SETBP1: variants seen among roughly 807,000 people sequenced by gnomAD.
SETBP1 encodes SET-binding protein.
Under a neutral mutation model 101.0 loss-of-function variants are expected in SETBP1, and 9 were observed. The ratio of observed to expected loss-of-function variants is 0.09; its 90% CI spans 0.05 to 0.16. The LOEUF (loss-of-function observed/expected upper bound fraction) is 0.16, where lower values mean the gene tolerates loss of function less well. SETBP1 is among the 10% of genes least tolerant of loss of function. SETBP1 has a pLI of 1.00. For synonymous variants in SETBP1, 818 were observed against 788.5 expected (o/e 1.04, Z -0.63); for missense variants, 1,858 against 2,033.8 (o/e 0.91, Z 1.66).
At chr18:44,882,312 T>C (rs924604094) in intron 3 of SETBP1, among the ~76,000 whole-genome samples, 10 of 152,092 alleles carry the variant, frequency 6.6e-5, no homozygotes, top group Admixed American at 5.9e-4. Flanking sequence ...TCCAGGAAGG[T>C]GCTAATCATG....
At chr18:44,743,281 G>A (rs1389000421) in intron 2 of SETBP1, among the ~76,000 whole-genome samples, 1 of 151,882 alleles carries the variant, frequency 6.6e-6, no homozygotes, top group Admixed American at 6.6e-5. Context: ...GATTGGAGGA[G>A]GTGAGCTACA....
At chr18:44,711,957 G>C (rs1456366035) in intron 2 of SETBP1, among the ~76,000 whole-genome samples, 2 of 152,104 alleles carry the variant, frequency 1.3e-5, no homozygotes, top group Non-Finnish European at 2.9e-5. Context: ...CCAGGTTGTT[G>C]TATTTTTCTC....
intron 4 of SETBP1, among the ~76,000 whole-genome samples, chr18:44,973,750 G>A (rs1422948951): frequency 1.3e-5 from 2 of 152,192 alleles, no homozygotes; most frequent in African/African-American, 4.8e-5. Context: ...TGGTAGGGCT[G>A]CCTCATGGGG....
intron 3 of SETBP1, among the ~76,000 whole-genome samples, chr18:44,892,435 A>G (rs984164453): frequency 6.6e-6 from 1 of 152,176 alleles, no homozygotes; most frequent in Admixed American, 6.5e-5. Flanking sequence ...TGTCACCTGC[A>G]TATGTACATG....
In SETBP1 at chr18:44,882,503, C is replaced by CT. The variant is rs79656454; in HGVS notation, c.540+13233dup. Among the ~76,000 whole-genome samples, 924 of 144,226 alleles carry CT rather than the reference C, an allele frequency of 6.4e-3. 10 individuals carry two copies. Among genetic ancestry groups the CT allele is most frequent in the African/African-American group, 0.02 (788 of 39,458 alleles). 94.6% of individuals were successfully genotyped at this position (144,226 alleles called of 152,430 possible). A position where few individuals can be genotyped will look rare whatever the true frequency, so the allele number is the denominator to read the frequency against. On this transcript the variant is annotated intron_variant, in intron 3 of 5. Coordinates refer to ENST00000649279, the MANE Select transcript of SETBP1 (RefSeq NM_015559.3). The stretch of plus-strand genomic sequence containing the variant: ...GCTGTGTGACAAGCAACCTTTGTGT[C>CT]TTTTTTTTTTTTTAACCTGCCTCTT...
In SETBP1 at chr18:44,950,077, C is replaced by T; in HGVS notation, c.737C>T (p.Ala246Val). ...AGTCCAGAGTCTGGCAGAGAAACTG[C>T]AAGCACCAGCAAGATCCCCGCTCTT... ...FISPESGRET[A>V]STSKIPALEP... The change falls in exon 4 of 6, where the codon GCA becomes GTA. Residue 246 changes from alanine (A) to valine (V), a missense_variant. This residue lies in a region of SETBP1 where 581 missense variants were observed against 535.1 expected (regional missense o/e 1.09). Transcript: ENST00000649279. The T allele has an allele frequency of 1.2e-6, 2 of 1,614,206 alleles. No homozygotes were observed. Among genetic ancestry groups the T allele is most frequent in the African/African-American group, 1.3e-5 (1 of 75,076 alleles).
chr18:44,987,104 G>C (rs1049366980), intron 4 of SETBP1: 1 of 152,138 alleles, frequency 6.6e-6, no homozygotes, highest in African/African-American at 2.4e-5. Flanking sequence ...ATAAAGCATT[G>C]TGTAATAGCC....
chr18:44,985,485 C>G (rs565380149), intron 4 of SETBP1, among the ~76,000 whole-genome samples: 1 of 152,148 alleles, frequency 6.6e-6, no homozygotes, highest in Non-Finnish European at 1.5e-5. Flanking sequence ...GCTTAATACA[C>G]TTATTAATGT....
In SETBP1 at chr18:45,065,855, CCTAT is replaced by C. The variant is rs1815173070; in HGVS notation, c.*2160_*2163del. 6.6e-6 allele frequency: 1 copy of C among 152,196 alleles called. No homozygotes were observed. Among genetic ancestry groups the C allele is most frequent in the Non-Finnish European group, 1.5e-5 (1 of 68,056 alleles). The allele number at this position is 152,196 out of a possible 1,614,324, so 9.4% of individuals were successfully genotyped here. A position where few individuals can be genotyped will look rare whatever the true frequency, so the allele number is the denominator to read the frequency against. On this transcript the variant is annotated 3_prime_UTR_variant, in exon 6 of 6. Transcript: ENST00000649279. ...CATTTTTAATTCGTCATTCCCAAGCCCTATCTGAGTGGTTCCAAAGTCACCTGAG... is the reference window on the plus strand; with the variant it reads ...CATTTTTAATTCGTCATTCCCAAGCCCTGAGTGGTTCCAAAGTCACCTGAG...
intron 2 of SETBP1, among the ~76,000 whole-genome samples, chr18:44,730,642 T>C (rs892326327): frequency 2.6e-5 from 4 of 152,186 alleles, no homozygotes; most frequent in South Asian, 4.1e-4. Flanking sequence ...GCCTGTCCTC[T>C]TTTTCAGACC....
intron 2 of SETBP1, among the ~76,000 whole-genome samples, chr18:44,802,021 T>C (rs1469346723): frequency 1.3e-5 from 2 of 152,156 alleles, no homozygotes; most frequent in Admixed American, 6.6e-5. Context: ...GAACTCTGGC[T>C]ACAGTAAATT....
chr18:45,041,722 G>A (rs1223384514), intron 5 of SETBP1, among the ~76,000 whole-genome samples: 2 of 152,162 alleles, frequency 1.3e-5, no homozygotes, highest in Non-Finnish European at 2.9e-5. Flanking sequence ...AGCATTTTGA[G>A]AGGCCAGGGT....
At chr18:45,017,185 G>C (rs1345086761) in intron 4 of SETBP1, among the ~76,000 whole-genome samples, 4 of 152,138 alleles carry the variant, frequency 2.6e-5, no homozygotes, top group Admixed American at 6.5e-5. Context: ...GCTTTGGAGA[G>C]CTAGAAAAAA....
chr18:44,897,941 T>C (rs1029400146), intron 3 of SETBP1, among the ~76,000 whole-genome samples: 1 of 152,166 alleles, frequency 6.6e-6, no homozygotes, highest in Non-Finnish European at 1.5e-5. Flanking sequence ...ACTTCCAGTA[T>C]ATGAGAGTGT....
At chr18:44,961,824 G>A (rs191860335) in intron 4 of SETBP1, among the ~76,000 whole-genome samples, 76 of 152,294 alleles carry the variant, frequency 5.0e-4, no homozygotes, top group African/African-American at 1.8e-3. Flanking sequence ...TACCTTGGGT[G>A]TTTGCTGTGC....
At chr18:44,847,077 A>G (rs1365792524) in intron 2 of SETBP1, among the ~76,000 whole-genome samples, 2 of 152,208 alleles carry the variant, frequency 1.3e-5, no homozygotes, top group African/African-American at 4.8e-5. Flanking sequence ...ATGATATTAG[A>G]TAGAGGAGAA....
At chr18:44,729,410 G>A (rs1342084235) in intron 2 of SETBP1, among the ~76,000 whole-genome samples, 2 of 152,194 alleles carry the variant, frequency 1.3e-5, no homozygotes, top group Non-Finnish European at 2.9e-5. Flanking sequence ...AGCATCAGAA[G>A]GGAATTGATA....
intron 2 of SETBP1, among the ~76,000 whole-genome samples, chr18:44,816,783 C>G (rs909688755): frequency 6.6e-6 from 1 of 152,150 alleles, no homozygotes; most frequent in Non-Finnish European, 1.5e-5. Flanking sequence ...AACAAAGAAG[C>G]AGTTAGGATT....
chr18:44,964,744 C>A (rs945597907), intron 4 of SETBP1, among the ~76,000 whole-genome samples: 2 of 152,120 alleles, frequency 1.3e-5, no homozygotes, highest in African/African-American at 4.8e-5. Flanking sequence ...CTTCCTGTTC[C>A]AATCTGCCGT....
Sources: allele counts gnomAD v4.1 joint callset (sites outside exome capture counted in the v4.1 genomes callset), GRCh38; gene constraint gnomAD v4.1.1; regional missense constraint gnomAD v4.1.1; transcripts MANE v1.5; gene names NCBI Gene and HGNC (gene_info 2026-07-23, HGNC 2026-07-21).